Variants in EIPR1 observed in about 807,000 individuals in gnomAD.
EIPR1 encodes EARP complex and GARP complex interacting protein 1, also known as EARP and GARP complex-interacting protein 1.
EIPR1 carries 25 observed loss-of-function variants against 48.1 expected under a neutral mutation model. The ratio of observed to expected loss-of-function variants is 0.52; its 90% confidence interval spans 0.38 to 0.73. EIPR1 has a LOEUF of 0.73. Ranked by LOEUF, EIPR1 falls within the 30% of genes least tolerant of loss-of-function variation. The pLI, the probability that EIPR1 is intolerant of heterozygous loss-of-function variation, is 0.00. For synonymous variants in EIPR1, 204 were observed against 201.9 expected (o/e 1.01, Z -0.09); for missense variants, 415 against 506.2 (o/e 0.82, Z 1.73).
intron 3 of EIPR1, among the ~76,000 whole-genome samples, chr2:3,287,386 TCAC>T (rs1202824025): frequency 4.0e-5 from 6 of 150,218 alleles, no homozygotes; most frequent in Admixed American, 2.0e-4. Context: ...GAAAGCTTGT[TCAC>T]CACAATCCAG....
chr2:3,366,061 A>G (rs1220205932), intron 1 of EIPR1, among the ~76,000 whole-genome samples: 1 of 152,132 alleles, frequency 6.6e-6, no homozygotes, highest in Admixed American at 6.5e-5. Context: ...TAATTCCAGC[A>G]CTTTGGGAAG....
At chr2:3,321,293 T>C (rs1669520319) in intron 3 of EIPR1, among the ~76,000 whole-genome samples, 1 of 152,202 alleles carries the variant, frequency 6.6e-6, no homozygotes, top group Admixed American at 6.5e-5. Context: ...GTCAATCTTT[T>C]AACATCTGCA....
At position 3,192,482 on chromosome 2, in the gene EIPR1, C is replaced by G. The variant is rs186432365; in HGVS notation, c.921G>C (p.Ser307=). ...CGTCTACCAAGTGGCCGAAGGGCTC[C>G]GACGAGATGGACACCATGTTGGAAA... ...VILSNMVSIS[S]EPFGHLVDDD... Residue 307 remains serine (S), a synonymous_variant, in exon 8 of 9, where the codon TCG becomes TCC. Coordinates refer to ENST00000382125, the MANE Select transcript of EIPR1 (RefSeq NM_003310.5). The G allele has an allele frequency of 6.2e-7, 1 of 1,613,038 alleles. No homozygotes were observed. The highest frequency in any genetic ancestry group is 1.1e-5 in the South Asian group (1 of 90,952).
chr2:3,331,052 G>T (rs1669881925), intron 3 of EIPR1, among the ~76,000 whole-genome samples: 1 of 145,768 alleles, frequency 6.9e-6, no homozygotes, highest in African/African-American at 2.6e-5. Flanking sequence ...ACACTCATGA[G>T]ACACATGAGC....
chr2:3,374,235 G>A (rs1572496547), intron 1 of EIPR1, among the ~76,000 whole-genome samples: 1 of 152,060 alleles, frequency 6.6e-6, no homozygotes, highest in African/African-American at 2.4e-5. Flanking sequence ...AATTCAAGAT[G>A]GAATAAAGAC....
At chr2:3,218,807 G>T (rs527716569) in intron 4 of EIPR1, among the ~76,000 whole-genome samples, 4 of 149,078 alleles carry the variant, frequency 2.7e-5, no homozygotes, top group Non-Finnish European at 1.5e-5. Context: ...CACCCAACAC[G>T]GCCCTGATAC....
intron 1 of EIPR1, among the ~76,000 whole-genome samples, chr2:3,358,298 T>C (rs1194290858): frequency 6.6e-6 from 1 of 152,172 alleles, no homozygotes; most frequent in African/African-American, 2.4e-5. Context: ...CTCTTGGGTG[T>C]CCACTGCAAA....
chr2:3,310,744 C>T (rs776039172), intron 3 of EIPR1, among the ~76,000 whole-genome samples: 19 of 148,372 alleles, frequency 1.3e-4, no homozygotes, highest in Non-Finnish European at 2.2e-4. Flanking sequence ...TTATATTTAA[C>T]GCAAGAATCT....
chr2:3,293,768 T>G (rs1200918576), intron 3 of EIPR1, among the ~76,000 whole-genome samples: 1 of 152,236 alleles, frequency 6.6e-6, no homozygotes, highest in East Asian at 1.9e-4. Flanking sequence ...GGCAGCCTGT[T>G]ATTATTTTAA....
intron 1 of EIPR1, among the ~76,000 whole-genome samples, chr2:3,374,714 A>T (rs1163085879): frequency 1.4e-5 from 2 of 145,660 alleles, no homozygotes; most frequent in African/African-American, 5.1e-5. Flanking sequence ...GGCAATCATT[A>T]AAAAGTCAGG....
chr2:3,282,317 C>T (rs999523615), intron 3 of EIPR1, among the ~76,000 whole-genome samples: 15 of 152,348 alleles, frequency 9.8e-5, no homozygotes, highest in Middle Eastern at 3.4e-3. Flanking sequence ...CTGGACTGAA[C>T]ATGCTTTTAC....
At chr2:3,272,112 C>G (rs1667717799) in intron 3 of EIPR1, among the ~76,000 whole-genome samples, 1 of 152,244 alleles carries the variant, frequency 6.6e-6, no homozygotes, top group Non-Finnish European at 1.5e-5. Flanking sequence ...CTGCAGCTTT[C>G]TCACTCCTCT....
At chr2:3,284,053 G>A (rs372313206) in intron 3 of EIPR1, among the ~76,000 whole-genome samples, 1 of 152,200 alleles carries the variant, frequency 6.6e-6, no homozygotes, top group Non-Finnish European at 1.5e-5. Context: ...TCCCCAAGAC[G>A]CAGGCCAGGA....
intron 3 of EIPR1, among the ~76,000 whole-genome samples, chr2:3,268,813 G>C (rs1667575212): frequency 2.0e-5 from 3 of 152,346 alleles, no homozygotes; most frequent in East Asian, 1.9e-4. Context: ...ATGTGGAGCA[G>C]GTGGGGGCAT....
At chr2:3,262,909 G>A (rs952666411) in intron 3 of EIPR1, among the ~76,000 whole-genome samples, 21 of 152,152 alleles carry the variant, frequency 1.4e-4, no homozygotes, top group African/African-American at 4.8e-4. Flanking sequence ...TAGAGACGGT[G>A]CACACAGGAC....
At chr2:3,366,492 A>G (rs575034568) in intron 1 of EIPR1, among the ~76,000 whole-genome samples, 1 of 152,334 alleles carries the variant, frequency 6.6e-6, no homozygotes, top group African/African-American at 2.4e-5. Context: ...CAGAATTGAG[A>G]AGGGTCTCTC....
At chr2:3,233,933 T>C (rs1336653930) in intron 4 of EIPR1, among the ~76,000 whole-genome samples, 2 of 152,244 alleles carry the variant, frequency 1.3e-5, no homozygotes, top group Non-Finnish European at 2.9e-5. Context: ...AGGGGCTCAA[T>C]GACAAGTATT....
chr2:3,218,435 C>T (rs1038631541), intron 4 of EIPR1, among the ~76,000 whole-genome samples: 4 of 149,542 alleles, frequency 2.7e-5, no homozygotes, highest in Non-Finnish European at 5.9e-5. Flanking sequence ...CAGGTGCACA[C>T]CCAACACGGC....
chr2:3,370,580 A>T (rs1184901263), intron 1 of EIPR1, among the ~76,000 whole-genome samples: 3 of 151,174 alleles, frequency 2.0e-5, no homozygotes, highest in African/African-American at 7.3e-5. Flanking sequence ...CTCGAGAACT[A>T]TGTGAAGAAT....
Sources: gnomAD v4.1 joint callset for allele counts (sites outside exome capture counted in the v4.1 genomes callset) on GRCh38, gnomAD v4.1.1 for gene constraint, MANE v1.5 for transcripts, NCBI Gene and HGNC (gene_info 2026-07-23, HGNC 2026-07-21) for gene names.